The following AK6 variants were observed in gnomAD, a reference collection of about 807,000 sequenced individuals.
The protein encoded by AK6 is adenylate kinase isoenzyme 6.
AK6 carries 24 observed loss-of-function variants against 23.7 expected under a neutral mutation model. That is an observed-to-expected ratio of 1.01 (90% CI 0.73 to 1.43). The LOEUF is 1.43. Among genes scored for constraint, AK6 ranks in the 40% most tolerant of loss-of-function variants. The pLI is 0.00. For synonymous variants in AK6, 73 were observed against 69.8 expected (o/e 1.05, Z -0.23); for missense variants, 191 against 199.1 (o/e 0.96, Z 0.24).
intron 2 of AK6, chr5:69,365,286 C>T (rs1762372301): frequency 6.2e-7 from 1 of 1,614,052 alleles, no homozygotes; most frequent in Admixed American, 1.7e-5. Context: ...AGTAACTGAA[C>T]CAACACTTAA....
At chr5:69,360,911 G>A (rs1762215161) in intron 2 of AK6, among the ~76,000 whole-genome samples, 1 of 152,178 alleles carries the variant, frequency 6.6e-6, no homozygotes, top group African/African-American at 2.4e-5. Context: ...AAGTGTTCAA[G>A]CCAAGCTATG....
At chr5:69,369,682 C>G (rs1255598756), upstream of AK6, 5 of 1,554,600 alleles carry the variant, frequency 3.2e-6, no homozygotes, top group Middle Eastern at 1.7e-4. Context: ...ACATTTCCGT[C>G]GCAAAGTTGG....
At chr5:69,368,401 C>T (rs1238414935) in intron 1 of AK6, among the ~76,000 whole-genome samples, 1 of 152,158 alleles carries the variant, frequency 6.6e-6, no homozygotes, top group Non-Finnish European at 1.5e-5. Flanking sequence ...CACCTCAAGT[C>T]CACTATAATA....
intron 2 of AK6, among the ~76,000 whole-genome samples, chr5:69,358,599 T>C: frequency 6.6e-6 from 1 of 151,720 alleles, no homozygotes. Flanking sequence ...ACTTTTAGGA[T>C]TGAAGTCTTT....
intron 2 of AK6, among the ~76,000 whole-genome samples, chr5:69,359,739 T>G (rs865981989): frequency 7.9e-5 from 12 of 152,344 alleles, no homozygotes; most frequent in Admixed American, 2.0e-4. Context: ...ATTTTTATTT[T>G]CATATTTCTT....
intron 2 of AK6, chr5:69,365,537 A>G: frequency 6.2e-7 from 1 of 1,613,994 alleles, no homozygotes; most frequent in East Asian, 2.2e-5. Context: ...CATCATCTGC[A>G]TCAACAGTAG....
chr5:69,364,821 A>T, intron 2 of AK6: 1 of 862,542 alleles, frequency 1.2e-6, no homozygotes. Context: ...AAGTATGGTA[A>T]CTGTGTTTAC....
At chr5:69,353,093 A>G (rs1045245604) in intron 4 of AK6, among the ~76,000 whole-genome samples, 6 of 152,244 alleles carry the variant, frequency 3.9e-5, no homozygotes, top group African/African-American at 9.6e-5. Context: ...GGTCTATGAT[A>G]CAATATGAAT....
At chr5:69,352,301 T>C (rs1439102815) in intron 4 of AK6, 48 bp from the exon 5 acceptor site, 1 of 1,461,600 alleles carries the variant, frequency 6.8e-7, no homozygotes, top group African/African-American at 1.4e-5. Flanking sequence ...TAAATGGCAT[T>C]AACTGGAGTT....
rs1561211305 is a variant in AK6 at position 69,351,910 on chromosome 5, G to C, written c.*151C>G. The stretch of plus-strand genomic sequence containing the variant: ...ATATTTCATGTTTAGCTTTCTCATG[G>C]AGAAAAAGAAACACAGGCATAAACC... On this transcript the variant is annotated 3_prime_UTR_variant, in exon 5 of 5. Transcript: ENST00000380822. 1.5e-5 allele frequency: 7 copies of C among 466,868 alleles called. No homozygotes were observed. In the Admixed American group the frequency reaches 2.5e-4, roughly 17 times the overall value. The allele number at this position is 466,868 out of a possible 1,614,324, so 28.9% of individuals were successfully genotyped here.
At chr5:69,369,072 A>C in intron 1 of AK6, 2 of 279,616 alleles carry the variant, frequency 7.2e-6, no homozygotes, top group African/African-American at 2.2e-5. Flanking sequence ...TAATGACTCT[A>C]CCGGGAAGCA....
chr5:69,366,025 A>C (rs1762408241), intron 2 of AK6, among the ~76,000 whole-genome samples: 1 of 152,236 alleles, frequency 6.6e-6, no homozygotes, highest in African/African-American at 2.4e-5. Context: ...ACAGGGTAAA[A>C]TAAATAAAAA....
At chr5:69,364,861 T>G in intron 2 of AK6, 16 of 1,301,118 alleles carry the variant, frequency 1.2e-5, no homozygotes, top group Non-Finnish European at 1.6e-5. Context: ...AAAACACAAC[T>G]TGAAAACATC....
chr5:69,361,852 C>T (rs1041773848), intron 2 of AK6, among the ~76,000 whole-genome samples: 5 of 151,788 alleles, frequency 3.3e-5, no homozygotes, highest in Non-Finnish European at 7.4e-5. Context: ...GTGATCCACC[C>T]GCCTCGGCCT....
chr5:69,364,974 T>C, intron 2 of AK6: 1 of 1,613,006 alleles, frequency 6.2e-7, no homozygotes, highest in South Asian at 1.1e-5. Context: ...ATCATCATCA[T>C]CGTCATCATC....
intron 2 of AK6, among the ~76,000 whole-genome samples, chr5:69,359,507 A>G (rs942568061): frequency 5.3e-5 from 8 of 152,174 alleles, no homozygotes; most frequent in Non-Finnish European, 1.2e-4. Flanking sequence ...GGCCTCCCAA[A>G]GTGCTGGGTT....
chr5:69,365,424 G>A (rs759172508), intron 2 of AK6: 1 of 1,614,196 alleles, frequency 6.2e-7, no homozygotes, highest in Non-Finnish European at 8.5e-7. Context: ...CTTGATCAAT[G>A]GCAAAGGGGT....
chr5:69,369,335 C>G, intron 1 of AK6, 128 bp downstream of exon 1: 1 of 1,046,032 alleles, frequency 9.6e-7, no homozygotes, highest in Non-Finnish European at 1.3e-6. Context: ...GCGCTGACAA[C>G]CGCCTCGTGG....
chr5:69,367,367 G>A (rs558036822), intron 1 of AK6, among the ~76,000 whole-genome samples: 26 of 151,624 alleles, frequency 1.7e-4, no homozygotes, highest in Non-Finnish European at 3.1e-4. Flanking sequence ...AAAATTAGCC[G>A]GGCGTGGTGG....
Sources: allele counts gnomAD v4.1 joint callset (sites outside exome capture counted in the v4.1 genomes callset), GRCh38; gene constraint gnomAD v4.1.1; transcripts MANE v1.5; gene names NCBI Gene and HGNC (gene_info 2026-07-23, HGNC 2026-07-21).